Variants in MIAT observed in about 807,000 individuals in gnomAD.
MIAT encodes MI related novel mRNA.
chr22:26,656,558 T>A (rs1437315005), intron 2 of MIAT, among the ~76,000 whole-genome samples: 1 of 152,114 alleles, frequency 6.6e-6, no homozygotes, highest in Middle Eastern at 3.4e-3. Flanking sequence ...CCTCAGGTGA[T>A]CCACCCGCCT....
intron 2 of MIAT, among the ~76,000 whole-genome samples, chr22:26,656,465 C>T (rs533475637): frequency 2.0e-3 from 302 of 151,454 alleles, no homozygotes; most frequent in Non-Finnish European, 3.7e-3. Context: ...GCTGGGATTA[C>T]AGGCACCCGC....
At chr22:26,657,936 A>T (rs1280727137) in intron 2 of MIAT, among the ~76,000 whole-genome samples, 1 of 152,172 alleles carries the variant, frequency 6.6e-6, no homozygotes, top group Non-Finnish European at 1.5e-5. Flanking sequence ...TCTTGCAATC[A>T]TGATTATGAG....
At chr22:26,656,858 A>G (rs1930473391) in intron 2 of MIAT, among the ~76,000 whole-genome samples, 1 of 152,118 alleles carries the variant, frequency 6.6e-6, no homozygotes, top group Non-Finnish European at 1.5e-5. Flanking sequence ...GCGGTGAGCT[A>G]TGATTGTGCC....
intron 3 of MIAT, among the ~76,000 whole-genome samples, chr22:26,664,800 C>T (rs1464113358): frequency 9.8e-5 from 15 of 152,318 alleles, no homozygotes; most frequent in Non-Finnish European, 5.9e-5. Flanking sequence ...GTGGTATATA[C>T]ATATAATGCT....
chr22:26,672,867 A>G, downstream of MIAT: 1 of 398,596 alleles, frequency 2.5e-6, no homozygotes, highest in Non-Finnish European at 4.4e-6. Flanking sequence ...TCATATTTGA[A>G]GGCCGGAAAG....
At chr22:26,663,970 T>TC (rs56037039) in intron 3 of MIAT, among the ~76,000 whole-genome samples, 1 of 150,644 alleles carries the variant, frequency 6.6e-6, no homozygotes, top group African/African-American at 2.4e-5. Flanking sequence ...TTTTTTTTTT[T>TC]AATGTTCCAT....
At chr22:26,672,716 TAGC>T, downstream of MIAT, 2 of 398,994 alleles carry the variant, frequency 5.0e-6, no homozygotes, top group Non-Finnish European at 8.8e-6. Flanking sequence ...CACCGGAAAT[TAGC>T]AGAGGGGCGT....
At chr22:26,658,564 A>G (rs1445414197) in intron 2 of MIAT, among the ~76,000 whole-genome samples, 1 of 152,174 alleles carries the variant, frequency 6.6e-6, no homozygotes, top group Non-Finnish European at 1.5e-5. Flanking sequence ...GGATTTGGGA[A>G]GAAAGGGGCC....
intron 2 of MIAT, among the ~76,000 whole-genome samples, chr22:26,648,227 A>G (rs535004320): frequency 1.3e-5 from 2 of 152,286 alleles, no homozygotes; most frequent in African/African-American, 4.8e-5. Context: ...GCCCGGGAGC[A>G]GGTGCAGGGC....
chr22:26,660,536 C>T (rs936893397), intron 2 of MIAT, among the ~76,000 whole-genome samples: 3 of 150,610 alleles, frequency 2.0e-5, no homozygotes, highest in Admixed American at 1.3e-4. Context: ...TGAAAAGTTA[C>T]ATCAGATGTG....
At chr22:26,662,340 A>G (rs1930706525) in intron 2 of MIAT, among the ~76,000 whole-genome samples, 2 of 151,820 alleles carry the variant, frequency 1.3e-5, no homozygotes, top group Non-Finnish European at 2.9e-5. Context: ...TTCTAACTGA[A>G]CCTCAGTTTC....
chr22:26,671,383 G>A (rs543767093), downstream of MIAT: 85 of 398,898 alleles, frequency 2.1e-4, no homozygotes, highest in African/African-American at 1.6e-3. Context: ...GCTGCAGCTG[G>A]AGGGGCCGGG....
At chr22:26,647,362 G>A (rs1236312340) in intron 2 of MIAT, 1 of 357,216 alleles carries the variant, frequency 2.8e-6, no homozygotes, top group East Asian at 4.2e-5. Flanking sequence ...GGGCGGCGGG[G>A]ACGTGGGGGG....
exon 5 of MIAT, chr22:26,675,809 G>A (rs1318140449): frequency 2.5e-6 from 1 of 398,670 alleles, no homozygotes; most frequent in East Asian, 3.6e-5. Flanking sequence ...CAAGTGTGGA[G>A]TAAGCTTGCA....
chr22:26,661,475 T>G (rs5761665), intron 2 of MIAT, among the ~76,000 whole-genome samples: 104,642 of 151,840 alleles, frequency 0.69, 36,403 homozygotes, highest in East Asian at 0.94. Context: ...AGGTGTGGAG[T>G]AGATGATGAG....
chr22:26,653,290 T>A (rs750846309), intron 2 of MIAT, among the ~76,000 whole-genome samples: 2 of 152,184 alleles, frequency 1.3e-5, no homozygotes, highest in African/African-American at 2.4e-5. Context: ...CTGCTGAACA[T>A]GAGGGTCCAC....
chr22:26,676,394 A>G (rs1931264819), exon 5 of MIAT: 1 of 398,676 alleles, frequency 2.5e-6, no homozygotes, highest in East Asian at 3.6e-5. Context: ...AAGGAGCGTC[A>G]CTTGGATTTT....
intron 2 of MIAT, among the ~76,000 whole-genome samples, chr22:26,651,416 G>A (rs888625933): frequency 5.3e-5 from 8 of 152,184 alleles, no homozygotes; most frequent in Non-Finnish European, 8.8e-5. Context: ...GGTGTGGCCC[G>A]GCAGAGAAGT....
At chr22:26,665,588 C>T (rs1278131136) in exon 4 of MIAT, 3 of 398,760 alleles carry the variant, frequency 7.5e-6, no homozygotes, top group Non-Finnish European at 8.8e-6. Flanking sequence ...TTCTTCAGGA[C>T]GTTCACAACC....
Sources: gnomAD v4.1 joint callset for allele counts (sites outside exome capture counted in the v4.1 genomes callset) on GRCh38, gnomAD v4.1.1 for gene constraint, MANE v1.5 for transcripts, NCBI Gene and HGNC (gene_info 2026-07-23, HGNC 2026-07-21) for gene names.